FBXL17: variants seen among roughly 807,000 people sequenced by gnomAD.
The protein encoded by FBXL17 is F-box and leucine rich repeat protein 17, also known as F-box/LRR-repeat protein 17.
A neutral mutation model predicts 66.2 loss-of-function variants in FBXL17; 22 were observed. The ratio of observed to expected loss-of-function variants is 0.33; its 90% CI spans 0.24 to 0.47. The LOEUF is 0.47. FBXL17 is among the 20% of genes least tolerant of loss of function. The pLI, the probability that FBXL17 is intolerant of heterozygous loss-of-function variation, is 1.00. For missense variants in FBXL17, 878 were observed against 948.2 expected (o/e 0.93, Z 0.97); for synonymous variants, 474 against 400.5 (o/e 1.18, Z -2.19).
intron 7 of FBXL17, among the ~76,000 whole-genome samples, chr5:107,926,730 A>T (rs1243914400): frequency 6.6e-6 from 1 of 152,080 alleles, no homozygotes; most frequent in Non-Finnish European, 1.5e-5. Flanking sequence ...GGAAGGTGGT[A>T]GTGACAATAT....
intron 6 of FBXL17, among the ~76,000 whole-genome samples, chr5:108,143,345 T>TCACA (rs1491283043): frequency 3.3e-4 from 42 of 129,188 alleles, no homozygotes; most frequent in African/African-American, 1.3e-3. Flanking sequence ...AGAACAGCAT[T>TCACA]CTCACACACA....
intron 6 of FBXL17, among the ~76,000 whole-genome samples, chr5:108,076,671 T>G (rs1424277798): frequency 6.6e-6 from 1 of 152,100 alleles, no homozygotes; most frequent in Admixed American, 6.6e-5. Flanking sequence ...GTAGGAAAAA[T>G]TTGCAGCCAT....
intron 6 of FBXL17, among the ~76,000 whole-genome samples, chr5:108,117,547 T>C (rs1343361971): frequency 1.3e-5 from 2 of 152,188 alleles, no homozygotes; most frequent in Non-Finnish European, 2.9e-5. Flanking sequence ...TACAACACAG[T>C]AACTATGAGT....
intron 4 of FBXL17, among the ~76,000 whole-genome samples, chr5:108,226,726 T>C (rs556949883): frequency 4.1e-4 from 63 of 152,292 alleles, no homozygotes; most frequent in African/African-American, 1.4e-3. Flanking sequence ...CTTCATCTAG[T>C]CTGTCAAAGG....
intron 6 of FBXL17, among the ~76,000 whole-genome samples, chr5:108,150,337 A>G (rs1179548069): frequency 6.6e-6 from 1 of 152,064 alleles, no homozygotes; most frequent in East Asian, 1.9e-4. Context: ...CCCAGTAGCT[A>G]GGACCACAGG....
rs1343734702 is a variant in FBXL17 at position 108,381,602 on chromosome 5, G to T, written c.90C>A (p.Leu30=). The T allele has an allele frequency of 3.4e-6, 5 of 1,480,182 alleles. No individual in the cohort carries two copies. Among genetic ancestry groups the T allele is most frequent in the Non-Finnish European group, 4.5e-6 (5 of 1,120,876 alleles). 91.7% of individuals were successfully genotyped at this position (1,480,182 alleles called of 1,614,324 possible). Residue 30 remains leucine, a synonymous_variant, in exon 1 of 9, where the codon CTC becomes CTA. Coordinates refer to ENST00000542267, the MANE Select transcript of FBXL17 (RefSeq NM_001163315.3). ...CTGGGGTCCGGCGGGGCAGCCTGAGGAGAGGGCGCCGGCGGCGGCACCAAC... is the reference window on the plus strand; with the variant it reads ...CTGGGGTCCGGCGGGGCAGCCTGAGTAGAGGGCGCCGGCGGCGGCACCAAC... ...CCSWCRRRRP[L]LRLPRRTPAK...
intron 4 of FBXL17, among the ~76,000 whole-genome samples, chr5:108,227,437 C>A (rs1755147651): frequency 1.3e-5 from 2 of 152,156 alleles, no homozygotes; most frequent in African/African-American, 2.4e-5. Flanking sequence ...AAAAGAAAGT[C>A]CAAATATTCT....
At chr5:108,029,959 T>C (rs1202957102) in intron 6 of FBXL17, among the ~76,000 whole-genome samples, 1 of 152,132 alleles carries the variant, frequency 6.6e-6, no homozygotes, top group Non-Finnish European at 1.5e-5. Context: ...GTAAAATAAA[T>C]ATACTTCTAG....
At chr5:107,969,665 T>C (rs755431037) in intron 7 of FBXL17, among the ~76,000 whole-genome samples, 2 of 152,152 alleles carry the variant, frequency 1.3e-5, no homozygotes, top group Non-Finnish European at 2.9e-5. Flanking sequence ...TCATGTTGCC[T>C]AAACTGAGCA....
chr5:108,248,199 A>C (rs995667481), intron 4 of FBXL17, among the ~76,000 whole-genome samples: 2 of 152,208 alleles, frequency 1.3e-5, no homozygotes, highest in African/African-American at 4.8e-5. Flanking sequence ...AAAATGCTTT[A>C]ACAATTATAG....
chr5:108,073,088 T>A (rs1252663312), intron 6 of FBXL17, among the ~76,000 whole-genome samples: 1 of 152,138 alleles, frequency 6.6e-6, no homozygotes, highest in Non-Finnish European at 1.5e-5. Context: ...TTTAACAATA[T>A]TCTACAGCAA....
rs1351104111 is a variant in FBXL17, at chr5:108,025,698, CACACAA to C, written c.1746-4703_1746-4698del. Among the ~76,000 whole-genome samples, 1,197 of 129,340 alleles carry C rather than the reference CACACAA, an allele frequency of 9.3e-3. 19 individuals carry two copies. The highest frequency in any genetic ancestry group is 0.041 in the African/African-American group (1,089 of 26,686). The allele number at this position is 129,340 out of a possible 152,430, so 84.9% of individuals were successfully genotyped here. On this transcript the variant is annotated intron_variant, in intron 6 of 8. Transcript: ENST00000542267. ...CAACACATACACACACACACACACA[CACACAA>C]ACACACACACACACGCGCGCGCGCA...
At chr5:108,012,335 T>C (rs1754206743) in intron 7 of FBXL17, among the ~76,000 whole-genome samples, 1 of 152,170 alleles carries the variant, frequency 6.6e-6, no homozygotes, top group South Asian at 2.1e-4. Flanking sequence ...TCTCCCCCTT[T>C]CAGCTACAGA....
At chr5:107,879,416 G>C (rs1355673314) in intron 8 of FBXL17, 3 of 985,334 alleles carry the variant, frequency 3.0e-6, no homozygotes, top group Non-Finnish European at 3.6e-6. Flanking sequence ...AGCGGCATTA[G>C]GTTGGTTAGT....
intron 7 of FBXL17, among the ~76,000 whole-genome samples, chr5:107,907,602 A>G (rs1038221158): frequency 6.6e-6 from 1 of 152,114 alleles, no homozygotes; most frequent in Admixed American, 6.6e-5. Context: ...TTACAAGAAA[A>G]AAACAAACAA....
intron 4 of FBXL17, among the ~76,000 whole-genome samples, chr5:108,266,328 T>G (rs539868269): frequency 1.3e-3 from 198 of 151,690 alleles, no homozygotes; most frequent in African/African-American, 4.3e-3. Context: ...ATACATAAAT[T>G]TTTCACTTTC....
chr5:108,356,727 A>G (rs1343369315), intron 3 of FBXL17, among the ~76,000 whole-genome samples: 1 of 152,124 alleles, frequency 6.6e-6, no homozygotes, highest in African/African-American at 2.4e-5. Flanking sequence ...AATACTCTAT[A>G]CTGTATCTAT....
intron 6 of FBXL17, among the ~76,000 whole-genome samples, chr5:108,078,387 A>G (rs1053665562): frequency 2.0e-5 from 3 of 152,234 alleles, no homozygotes; most frequent in Non-Finnish European, 4.4e-5. Flanking sequence ...TTAAAGTTTC[A>G]AAGTGGGAAC....
chr5:108,009,296 T>TAGATATATAGATAGATAG (rs1442694841), intron 7 of FBXL17, among the ~76,000 whole-genome samples: 1 of 32,444 alleles, frequency 3.1e-5, no homozygotes. Flanking sequence ...TATATATATA[T>TAGATATATAGATAGATAG]ATATACATAT....
Sources: allele counts gnomAD v4.1 joint callset (sites outside exome capture counted in the v4.1 genomes callset), GRCh38; gene constraint gnomAD v4.1.1; transcripts MANE v1.5; gene names NCBI Gene and HGNC (gene_info 2026-07-23, HGNC 2026-07-21).